Variants in PADI6 observed in about 807,000 individuals in gnomAD.
PADI6 encodes peptidyl arginine deiminase 6.
In PADI6, 66 loss-of-function variants were observed where a neutral mutation model predicts 78.2. The observed-to-expected ratio is 0.84, with a 90% confidence interval of 0.69 to 1.04. The LOEUF (loss-of-function observed/expected upper bound fraction) is 1.04. Among genes scored for constraint, PADI6 ranks in the 50% least tolerant of loss-of-function variants. The pLI is 0.00. For missense variants in PADI6, 854 were observed against 866.1 expected (o/e 0.99, Z 0.18); for synonymous variants, 397 against 346.9 (o/e 1.14, Z -1.60).
rs1263418031 is a variant in PADI6 at position 17,381,980 on chromosome 1, G to C, written c.567G>C (p.Leu189=). 1 of 1,613,856 alleles carries C rather than the reference G, an allele frequency of 6.2e-7. No homozygotes were observed. The highest frequency in any genetic ancestry group is 8.5e-7 in the Non-Finnish European group (1 of 1,179,820). The change falls in exon 6 of 16, where the codon CTG becomes CTC. Residue 189 remains leucine, a synonymous_variant. Transcript: ENST00000619609. ...TCTTTTGCCCAGAAATAACGAATCTGTCCCAGATGACTCTGAATGTCCAAG... is the reference window on the plus strand; with the variant it reads ...TCTTTTGCCCAGAAATAACGAATCTCTCCCAGATGACTCTGAATGTCCAAG... ...KVIFSEEITN[L]SQMTLNVQGP... is the part of the protein sequence containing the mutation.
rs2075299048 is a variant in PADI6, at chr1:17,401,298, T to G, written c.1945T>G (p.Cys649Gly). ...GTCCLEEKIC[C>G]LLEPLGFKCT... is the part of the protein sequence containing the mutation. ...CTGCTGCCTGGAAGAAAAGATTTGC[T>G]GCTTGCTGGAGCCCCTGGGCTTCAA... Residue 649 changes from cysteine to glycine, a missense_variant, in exon 16 of 16, where the codon TGC (cysteine) becomes GGC (glycine). By Grantham distance (159) the Cys-to-Gly change is radical. Coordinates refer to ENST00000619609, the MANE Select transcript of PADI6 (RefSeq NM_207421.4). 6.2e-7 allele frequency: 1 copy of G among 1,613,972 alleles called. No individual in the cohort carries two copies. Among genetic ancestry groups the G allele is most frequent in the Admixed American group, 1.7e-5 (1 of 60,012 alleles).
At chr1:17,372,939 G>A in intron 1 of PADI6, 117 bp from the exon 2 acceptor site, 2 of 1,085,624 alleles carry the variant, frequency 1.8e-6, no homozygotes, top group South Asian at 3.2e-5. Context: ...AGACCACTCT[G>A]CCTCAACACC....
At chr1:17,378,668 G>A (rs566120536) in intron 3 of PADI6, among the ~76,000 whole-genome samples, 118 of 151,838 alleles carry the variant, frequency 7.8e-4, no homozygotes, top group African/African-American at 2.8e-3. Flanking sequence ...GGAGTGGTGC[G>A]ATCTCTGCTC....
At chr1:17,373,378 AC>A in intron 2 of PADI6, 145 bp downstream of exon 2, 1 of 1,000,994 alleles carries the variant, frequency 1.0e-6, no homozygotes, top group Non-Finnish European at 1.4e-6. Context: ...TCTGCAACAG[AC>A]CAGTGGTGTG....
intron 6 of PADI6, among the ~76,000 whole-genome samples, chr1:17,385,253 T>C (rs1001388528): frequency 3.9e-5 from 6 of 152,248 alleles, no homozygotes; most frequent in South Asian, 4.2e-4. Flanking sequence ...TGAGGCCTTT[T>C]GGTGTGATGG....
chr1:17,394,818 C>A, intron 11 of PADI6, 133 bp from the exon 12 acceptor site: 2 of 1,089,974 alleles, frequency 1.8e-6, no homozygotes, highest in Non-Finnish European at 2.5e-6. Context: ...GTAACCAACA[C>A]ATCCGCTATG....
At chr1:17,394,500 G>A in intron 11 of PADI6, 46 bp downstream of exon 11, 1 of 1,587,066 alleles carries the variant, frequency 6.3e-7, no homozygotes, top group South Asian at 1.1e-5. Flanking sequence ...AAGGGACCAT[G>A]GTCGTTCCCC....
At chr1:17,392,814 A>G (rs1028792214) in intron 9 of PADI6, among the ~76,000 whole-genome samples, 75 of 152,306 alleles carry the variant, frequency 4.9e-4, no homozygotes, top group African/African-American at 1.7e-3. Flanking sequence ...TTAAGGAAAC[A>G]AGGAGCTGGC....
In PADI6 at chr1:17,372,329, G is replaced by T. The variant is rs759252198; in HGVS notation, c.84G>T (p.Val28=). Residue 28 remains valine (V), a synonymous_variant, in exon 1 of 16, where the codon GTG becomes GTT. Coordinates refer to ENST00000619609, the MANE Select transcript of PADI6 (RefSeq NM_207421.4). ...ACAGCCCTGTCCATGCCGTTTGTGT[G>T]TTGGGCACAGAAATCTGCTTGGATC... is the stretch of plus-strand genomic sequence containing the variant. ...SLDSPVHAVC[V]LGTEICLDLS... The T allele has an allele frequency of 8.1e-6, 13 of 1,613,852 alleles. No homozygotes were observed. In the African/African-American group the frequency reaches 1.6e-4, roughly 20 times the overall value.
chr1:17,401,569 C>CCCGA lies in PADI6; in HGVS notation c.*138_*141dup. On this transcript the variant is annotated 3_prime_UTR_variant, in exon 16 of 16. Coordinates refer to ENST00000619609, the MANE Select transcript of PADI6 (RefSeq NM_207421.4). ...ACAGAACCCTTTCTTCCCTGTCTGC[C>CCCGA]CCGACCGACCCTCGGACCCAGTAGG... 1 of 847,950 alleles carries CCCGA rather than the reference C, an allele frequency of 1.2e-6. No homozygotes were observed. Among genetic ancestry groups the CCCGA allele is most frequent in the Non-Finnish European group, 1.8e-6 (1 of 554,792 alleles). The allele number at this position is 847,950 out of a possible 1,614,324, so 52.5% of individuals were successfully genotyped here.
chr1:17,394,938 A>G lies in PADI6; in HGVS notation c.1338-13A>G, dbSNP rs1185332382. 6.3e-7 allele frequency: 1 copy of G among 1,599,154 alleles called. No individual in the cohort carries two copies. The highest frequency in any genetic ancestry group is 2.2e-5 in the East Asian group (1 of 44,598). On this transcript the variant is annotated splice_polypyrimidine_tract_variant and intron_variant, in intron 11 of 15. Coordinates refer to ENST00000619609, the MANE Select transcript of PADI6 (RefSeq NM_207421.4). ...CACTGGCTCAAGAGCTGTTCTTTCC[A>G]TCTTCCTTCTAGCGCAGAGGGCCGG...
At chr1:17,395,924 T>A (rs2075242384) in intron 13 of PADI6, among the ~76,000 whole-genome samples, 1 of 152,034 alleles carries the variant, frequency 6.6e-6, no homozygotes, top group South Asian at 2.1e-4. Flanking sequence ...TGGCCCCAAG[T>A]GGGGGGAAAA....
At position 17,401,400 on chromosome 1, in the gene PADI6, G is replaced by GT; in HGVS notation, c.2048dup (p.Pro684AlafsTer35). The GT allele has an allele frequency of 6.2e-7, 1 of 1,614,044 alleles. No individual in the cohort carries two copies. The highest frequency in any genetic ancestry group is 8.5e-7 in the Non-Finnish European group (1 of 1,179,902). On this transcript the variant is annotated frameshift_variant, in exon 16 of 16. Coordinates refer to ENST00000619609, the MANE Select transcript of PADI6 (RefSeq NM_207421.4). LOFTEE classifies it high-confidence loss of function. ...CTGTGCCTGTGCCAACATCCGCCGG[G>GT]TGCCCTTTGCCTTCAAATGGTGGAA...
At chr1:17,379,777 T>G in intron 3 of PADI6, 143 bp from the exon 4 acceptor site, 1 of 638,050 alleles carries the variant, frequency 1.6e-6, no homozygotes, top group East Asian at 2.9e-5. Flanking sequence ...TTGAGAATGG[T>G]TTCTGCTTCT....
At position 17,398,678 on chromosome 1, in the gene PADI6, A is replaced by ACCCCCCC; in HGVS notation, c.1690-5_1690-4insCCCCCCC. The ACCCCCCC allele has an allele frequency of 9.1e-6, 1 of 110,268 alleles. No individual in the cohort carries two copies. Among genetic ancestry groups the ACCCCCCC allele is most frequent in the Non-Finnish European group, 1.6e-5 (1 of 61,906 alleles). 6.8% of individuals were successfully genotyped at this position (110,268 alleles called of 1,614,324 possible). ...CGCCCCCCCCCCCACCCACCCACCCACCCACAGAAGTGCATTCACCTGAAC... is the reference window on the plus strand; with the variant it reads ...CGCCCCCCCCCCCACCCACCCACCCACCCCCCCCCCACAGAAGTGCATTCACCTGAAC... On this transcript the variant is annotated splice_polypyrimidine_tract_variant and splice_region_variant and intron_variant, in intron 14 of 15. Transcript: ENST00000619609.
At chr1:17,395,337 G>A (rs1218297300) in intron 12 of PADI6, among the ~76,000 whole-genome samples, 1 of 152,014 alleles carries the variant, frequency 6.6e-6, no homozygotes, top group Non-Finnish European at 1.5e-5. Flanking sequence ...CTGAGTAGCT[G>A]GAATTACAGA....
In PADI6 at chr1:17,397,137, T is replaced by G; in HGVS notation, c.1685T>G (p.Val562Gly). The G allele has an allele frequency of 1.2e-6, 2 of 1,613,590 alleles. No individual in the cohort carries two copies. The highest frequency in any genetic ancestry group is 1.7e-6 in the Non-Finnish European group (2 of 1,179,736). Residue 562 changes from valine (V) to glycine (G), a missense_variant, in exon 14 of 16, where the codon GTG becomes GGG. Coordinates refer to ENST00000619609, the MANE Select transcript of PADI6 (RefSeq NM_207421.4). ...DESLKKQNEY[V>G]EKCIHLNRDI... is the part of the protein sequence containing the mutation. ...AGCCTGAAGAAGCAGAATGAATACG[T>G]GGAGGTAGGACCAGTGTGAAGGGGG...
intron 9 of PADI6, 43 bp from the exon 10 acceptor site, chr1:17,393,932 A>G: frequency 6.4e-7 from 1 of 1,554,568 alleles, no homozygotes; most frequent in Non-Finnish European, 8.9e-7. Context: ...GGGTCCGGGG[A>G]GATGTGTGAC....
chr1:17,399,325 G>A (rs964568412), intron 15 of PADI6, among the ~76,000 whole-genome samples: 8 of 152,202 alleles, frequency 5.3e-5, no homozygotes, highest in Admixed American at 1.3e-4. Flanking sequence ...TAGGCCAGGC[G>A]CAGTGGCTCA....
Sources: allele counts gnomAD v4.1 joint callset (sites outside exome capture counted in the v4.1 genomes callset), GRCh38; gene constraint gnomAD v4.1.1; transcripts MANE v1.5; gene names NCBI Gene and HGNC (gene_info 2026-07-23, HGNC 2026-07-21).